Variants in COL11A1 observed in about 807,000 individuals in gnomAD.
COL11A1 encodes the protein collagen alpha-1(XI) chain.
In COL11A1, 74 loss-of-function variants were observed where a neutral mutation model predicts 265.2. That is an observed-to-expected ratio of 0.28 (90% CI 0.23 to 0.34). The LOEUF (loss-of-function observed/expected upper bound fraction) is 0.34. COL11A1 is among the 10% of genes least tolerant of loss of function. The probability of loss-of-function intolerance (pLI) is 1.00; values close to 1 mark genes in which losing one functional copy is unlikely to be tolerated. For synonymous variants in COL11A1, 816 were observed against 727.6 expected (o/e 1.12, Z -1.96); for missense variants, 2,165 against 2,263.6 (o/e 0.96, Z 0.88).
chr1:102,914,675 C>G, intron 51 of COL11A1, 29 bp downstream of exon 51: 1 of 1,537,524 alleles, frequency 6.5e-7, no homozygotes, highest in Non-Finnish European at 9.0e-7. Context: ...GGCATAAATG[C>G]CACATTAGAG....
chr1:103,053,257 T>C (rs72987824), intron 4 of COL11A1, among the ~76,000 whole-genome samples: 2,042 of 152,282 alleles, frequency 0.013, 45 homozygotes, highest in African/African-American at 0.046. Context: ...AATGCGTCAT[T>C]GAGCTTCTTG....
rs542888071 is a variant in COL11A1, at chr1:103,027,176, G to A, written c.781-844C>T. On this transcript the variant is annotated intron_variant, in intron 5 of 66. Coordinates refer to ENST00000370096, the MANE Select transcript of COL11A1 (RefSeq NM_001854.4). ...AAAGATTTTAATTAAGGAGAGATAT[G>A]TTTCTTAATAGAGGGAGTTAAAAGA... Among the ~76,000 whole-genome samples, 302 of 150,962 alleles carry A rather than the reference G, an allele frequency of 2.0e-3. 1 individual carries two copies. The highest frequency in any genetic ancestry group is 1.6e-3 in the Non-Finnish European group (106 of 67,654).
intron 41 of COL11A1, among the ~76,000 whole-genome samples, chr1:102,961,024 T>C (rs189829862): frequency 2.6e-4 from 40 of 152,052 alleles, no homozygotes; most frequent in African/African-American, 8.5e-4. Flanking sequence ...GCGGAAAAAT[T>C]AGTAAAATAT....
intron 57 of COL11A1, among the ~76,000 whole-genome samples, chr1:102,891,551 A>G (rs1187024178): frequency 6.6e-6 from 1 of 151,946 alleles, no homozygotes; most frequent in East Asian, 1.9e-4. Context: ...CATACTGATG[A>G]CTTTCGAACA....
chr1:103,026,246 A>G lies in COL11A1; in HGVS notation c.867T>C (p.Thr289=), dbSNP rs2101965992. 2 of 1,613,550 alleles carry G rather than the reference A, an allele frequency of 1.2e-6. No homozygotes were observed. Among genetic ancestry groups the G allele is most frequent in the Non-Finnish European group, 1.7e-6 (2 of 1,179,462 alleles). The change falls in exon 6 of 67, where the codon ACT becomes ACC. Residue 289 remains threonine, a synonymous_variant. Transcript: ENST00000370096. The part of the protein sequence containing the change: ...KEAESVTEGP[T]VTEETIAQTE... Reference sequence around the variant, plus strand: ...TCTGTGCTATTGTCTCCTCAGTTACAGTGGGTCCCTCTGTTACACTTTCAG... The same window carrying G: ...TCTGTGCTATTGTCTCCTCAGTTACGGTGGGTCCCTCTGTTACACTTTCAG...
chr1:102,943,643 A>T (rs1032718281), intron 42 of COL11A1, among the ~76,000 whole-genome samples: 1 of 152,148 alleles, frequency 6.6e-6, no homozygotes, highest in Non-Finnish European at 1.5e-5. Flanking sequence ...CTCTTATTTT[A>T]AATGACTCCC....
intron 4 of COL11A1, among the ~76,000 whole-genome samples, chr1:103,058,569 T>A (rs535564762): frequency 1.3e-5 from 2 of 152,324 alleles, no homozygotes; most frequent in East Asian, 3.9e-4. Flanking sequence ...TGATCTCAAG[T>A]GACTCTTGAA....
chr1:103,031,954 A>C (rs1668032071), intron 4 of COL11A1, among the ~76,000 whole-genome samples: 1 of 152,076 alleles, frequency 6.6e-6, no homozygotes, highest in African/African-American at 2.4e-5. Context: ...TAATAGAATT[A>C]CCTAAAGAGT....
intron 4 of COL11A1, among the ~76,000 whole-genome samples, chr1:103,045,843 C>T (rs193271285): frequency 8.8e-4 from 133 of 150,878 alleles, no homozygotes; most frequent in Non-Finnish European, 1.7e-3. Context: ...TATTCAATTC[C>T]CACCTGAGTG....
chr1:102,951,609 G>C (rs965619072), intron 41 of COL11A1, among the ~76,000 whole-genome samples: 21 of 152,046 alleles, frequency 1.4e-4, no homozygotes, highest in Non-Finnish European at 2.8e-4. Flanking sequence ...GGTGGCAGGT[G>C]GTAGGTGATA....
intron 4 of COL11A1, among the ~76,000 whole-genome samples, chr1:103,034,217 T>A (rs1571105343): frequency 6.6e-6 from 1 of 152,074 alleles, no homozygotes; most frequent in East Asian, 1.9e-4. Flanking sequence ...TTGTTGAGAG[T>A]CTTGACCATG....
intron 4 of COL11A1, among the ~76,000 whole-genome samples, chr1:103,035,904 A>G (rs1429281212): frequency 6.6e-6 from 1 of 152,010 alleles, no homozygotes; most frequent in Non-Finnish European, 1.5e-5. Context: ...TAGCAAATAA[A>G]TACAAGTTCT....
chr1:103,032,941 G>A (rs1485576726), intron 4 of COL11A1, among the ~76,000 whole-genome samples: 3 of 152,038 alleles, frequency 2.0e-5, no homozygotes, highest in African/African-American at 7.2e-5. Context: ...GCTTAGTACA[G>A]CCACAGCCTT....
At chr1:102,911,011 C>G (rs1216182160) in intron 54 of COL11A1, among the ~76,000 whole-genome samples, 1 of 152,064 alleles carries the variant, frequency 6.6e-6, no homozygotes, top group Non-Finnish European at 1.5e-5. Flanking sequence ...TTATGAGCAG[C>G]TGGACTTACA....
At chr1:102,935,486 G>A (rs1292624041) in intron 44 of COL11A1, among the ~76,000 whole-genome samples, 1 of 152,140 alleles carries the variant, frequency 6.6e-6, no homozygotes, top group Non-Finnish European at 1.5e-5. Flanking sequence ...TGAAAAAATT[G>A]TCTATATACT....
chr1:102,921,878 A>G (rs1570735957), intron 47 of COL11A1, among the ~76,000 whole-genome samples: 2 of 152,246 alleles, frequency 1.3e-5, no homozygotes, highest in Admixed American at 6.5e-5. Flanking sequence ...TCATGCTAGA[A>G]TATGTTACAA....
chr1:102,913,763 A>T, intron 52 of COL11A1, 73 bp from the exon 53 acceptor site: 1 of 1,323,584 alleles, frequency 7.6e-7, no homozygotes, highest in South Asian at 1.2e-5. Context: ...TCAGGAAAAA[A>T]GTATGTTAGG....
At chr1:102,979,154 G>T in intron 32 of COL11A1, 50 bp from the exon 33 acceptor site, 3 of 1,544,342 alleles carry the variant, frequency 1.9e-6, no homozygotes, top group Non-Finnish European at 2.7e-6. Context: ...AGTAAATTAT[G>T]AGCCTGGTGC....
At chr1:102,961,953 C>A in intron 40 of COL11A1, 34 bp from the exon 41 acceptor site, 1 of 1,590,804 alleles carries the variant, frequency 6.3e-7, no homozygotes, top group South Asian at 1.1e-5. Context: ...GAAAATGAAT[C>A]CATATGAATT....
Sources: allele counts gnomAD v4.1 joint callset (sites outside exome capture counted in the v4.1 genomes callset), GRCh38; gene constraint gnomAD v4.1.1; transcripts MANE v1.5; gene names NCBI Gene and HGNC (gene_info 2026-07-23, HGNC 2026-07-21).